The following EPM2A variants were observed in gnomAD, a reference collection of about 807,000 sequenced individuals.
The protein encoded by EPM2A is laforin.
A neutral mutation model predicts 26.5 loss-of-function variants in EPM2A; 21 were observed. The ratio of observed to expected loss-of-function variants is 0.79; its 90% CI spans 0.56 to 1.14. EPM2A has a LOEUF of 1.14. Among genes scored for constraint, EPM2A ranks in the 50% most tolerant of loss-of-function variants. The pLI is 0.00. For synonymous variants in EPM2A, 217 were observed against 177.6 expected (o/e 1.22, Z -1.76); for missense variants, 458 against 440.8 (o/e 1.04, Z -0.35).
At chr6:145,598,328 C>T (rs773932449) in intron 2 of EPM2A, among the ~76,000 whole-genome samples, 10 of 151,872 alleles carry the variant, frequency 6.6e-5, no homozygotes, top group Admixed American at 4.6e-4. Context: ...TGATCAGTGA[C>T]GTTGAGCTTT....
At chr6:145,571,699 C>T (rs545933466) in intron 2 of EPM2A, among the ~76,000 whole-genome samples, 94 of 152,302 alleles carry the variant, frequency 6.2e-4, no homozygotes, top group African/African-American at 2.2e-3. Context: ...CAGCAGTGGC[C>T]GTAGCCAGGT....
intron 4 of EPM2A, among the ~76,000 whole-genome samples, chr6:145,429,660 G>A (rs1778897528): frequency 6.6e-6 from 1 of 152,054 alleles, no homozygotes; most frequent in African/African-American, 2.4e-5. Flanking sequence ...TTTTTAAAAT[G>A]TAACAAGAAA....
At chr6:145,695,173 G>A (rs750462560) in intron 1 of EPM2A, among the ~76,000 whole-genome samples, 2 of 151,940 alleles carry the variant, frequency 1.3e-5, no homozygotes, top group Non-Finnish European at 2.9e-5. Context: ...GTGGTAGGGA[G>A]GAGTAAACAT....
At chr6:145,429,133 T>C (rs1188100388) in intron 4 of EPM2A, among the ~76,000 whole-genome samples, 2 of 152,022 alleles carry the variant, frequency 1.3e-5, no homozygotes, top group African/African-American at 4.8e-5. Context: ...ATGATCAAAT[T>C]TACAAAGAAA....
At chr6:145,534,763 T>C (rs1316322963) in intron 2 of EPM2A, among the ~76,000 whole-genome samples, 1 of 152,220 alleles carries the variant, frequency 6.6e-6, no homozygotes, top group Non-Finnish European at 1.5e-5. Context: ...ATTTGTGATC[T>C]TGTGAAATCT....
intron 2 of EPM2A, among the ~76,000 whole-genome samples, chr6:145,583,764 A>C (rs1405827365): frequency 6.6e-6 from 1 of 152,256 alleles, no homozygotes; most frequent in African/African-American, 2.4e-5. Flanking sequence ...GGAATGGCAG[A>C]GTGCCCACAT....
Position 145,626,868 on chromosome 6 carries a change from A to G in EPM2A, c.*548T>C, listed in dbSNP as rs1450901674. ...AGGTGATGCCTTGGAACAGACTTTAACAACTGTGAGGCAGGATAAAAAACA... is the reference window on the plus strand; with the variant it reads ...AGGTGATGCCTTGGAACAGACTTTAGCAACTGTGAGGCAGGATAAAAAACA... On this transcript the variant is annotated 3_prime_UTR_variant, in exon 4 of 4. Transcript: ENST00000367519. 2 of 992,710 alleles carry G rather than the reference A, an allele frequency of 2.0e-6. No individual in the cohort carries two copies. The highest frequency in any genetic ancestry group is 3.5e-5 in the African/African-American group (2 of 57,314). 61.5% of individuals were successfully genotyped at this position (992,710 alleles called of 1,614,324 possible). A position where few individuals can be genotyped will look rare whatever the true frequency, so the allele number is the denominator to read the frequency against.
intron 2 of EPM2A, among the ~76,000 whole-genome samples, chr6:145,597,461 C>A (rs1160673693): frequency 6.8e-6 from 1 of 147,898 alleles, no homozygotes; most frequent in Non-Finnish European, 1.5e-5. Context: ...TGTATGTGAC[C>A]TGTTTATTTT....
At chr6:145,546,614 T>C (rs1028677073) in intron 2 of EPM2A, among the ~76,000 whole-genome samples, 25 of 152,182 alleles carry the variant, frequency 1.6e-4, no homozygotes, top group African/African-American at 5.5e-4. Context: ...ATTGTCATGA[T>C]TGCTAAAATG....
chr6:145,428,584 C>T (rs896058668), intron 4 of EPM2A, among the ~76,000 whole-genome samples: 1 of 152,242 alleles, frequency 6.6e-6, no homozygotes, highest in Non-Finnish European at 1.5e-5. Context: ...CATTAAATTA[C>T]ATCATTTTCC....
chr6:145,692,317 A>G (rs1335766427), intron 1 of EPM2A, among the ~76,000 whole-genome samples: 2 of 152,076 alleles, frequency 1.3e-5, no homozygotes, highest in Non-Finnish European at 2.9e-5. Flanking sequence ...ACAATTAGAC[A>G]GAAAATCAGC....
chr6:145,490,224 G>A, intron 4 of EPM2A: 2 of 1,162,808 alleles, frequency 1.7e-6, no homozygotes, highest in Non-Finnish European at 2.5e-6. Context: ...TTACTTCCTT[G>A]CATAAACCAC....
intron 4 of EPM2A, among the ~76,000 whole-genome samples, chr6:145,414,257 A>G (rs938936233): frequency 6.6e-6 from 1 of 151,884 alleles, no homozygotes; most frequent in Non-Finnish European, 1.5e-5. Context: ...TGGCTTTGTT[A>G]GTGTGGATTT....
intron 2 of EPM2A, among the ~76,000 whole-genome samples, chr6:145,553,233 T>C (rs986819267): frequency 6.6e-6 from 1 of 152,142 alleles, no homozygotes; most frequent in Non-Finnish European, 1.5e-5. Flanking sequence ...TCCTGAGCTC[T>C]CACCAGCCGT....
chr6:145,438,276 G>T (rs1459276106), intron 4 of EPM2A, among the ~76,000 whole-genome samples: 1 of 152,102 alleles, frequency 6.6e-6, no homozygotes, highest in Non-Finnish European at 1.5e-5. Context: ...GAGAAGCAGG[G>T]TGCAGGGCTG....
At chr6:145,501,739 C>T (rs1779892367) in exon 4 of EPM2A, 2 of 469,002 alleles carry the variant, frequency 4.3e-6, no homozygotes, top group African/African-American at 4.0e-5. Context: ...CCTGTGTGAG[C>T]TTGCACCAGT....
Position 145,528,404 on chromosome 6 carries a change from A to G in EPM2A, c.341-25829T>C, listed in dbSNP as rs9399551. 6.0e-4 allele frequency among the ~76,000 whole-genome samples: 92 copies of G among 152,280 alleles called. No individual in the cohort carries two copies. In the East Asian group the frequency reaches 0.015, roughly 26 times the overall value. ...AAGAATAGCCTATCTCTCTTGCTAC[A>G]GGATAATGAAGTTGGTGATTTTGAA... On this transcript the variant is annotated intron_variant, in intron 2 of 3. Coordinates refer to the EPM2A transcript ENST00000450221.
At chr6:145,573,542 G>A (rs1354792488) in intron 2 of EPM2A, among the ~76,000 whole-genome samples, 1 of 152,250 alleles carries the variant, frequency 6.6e-6, no homozygotes, top group Non-Finnish European at 1.5e-5. Context: ...CAGGGATGTG[G>A]TGGGAATCAC....
chr6:145,735,059 G>A (rs1776764461), intron 1 of EPM2A, 139 bp downstream of exon 1: 3 of 488,224 alleles, frequency 6.1e-6, no homozygotes, highest in South Asian at 8.8e-5. Context: ...GTCGCCCGGG[G>A]AGTGCGCAGG....
Sources: allele counts gnomAD v4.1 joint callset (sites outside exome capture counted in the v4.1 genomes callset), GRCh38; gene constraint gnomAD v4.1.1; transcripts MANE v1.5; gene names NCBI Gene and HGNC (gene_info 2026-07-23, HGNC 2026-07-21).